ATP9A: variants seen among roughly 807,000 people sequenced by gnomAD.
The protein encoded by ATP9A is ATPase phospholipid transporting 9A, also known as probable phospholipid-transporting ATPase IIA.
ATP9A carries 52 observed loss-of-function variants against 144.1 expected under a neutral mutation model. The ratio of observed to expected loss-of-function variants is 0.36; its 90% CI spans 0.29 to 0.45. The LOEUF is 0.45. Among genes scored for constraint, ATP9A ranks in the 20% least tolerant of loss-of-function variants. The pLI is 1.00. For synonymous variants in ATP9A, 582 were observed against 557.4 expected, an observed-to-expected ratio of 1.04 and a Z score of -0.62; for missense variants, 947 against 1,392.7, an observed-to-expected ratio of 0.68 and a Z score of 5.09.
chr20:51,715,387 C>T lies in ATP9A; in HGVS notation c.328-2313G>A, dbSNP rs138790295. Among the ~76,000 whole-genome samples the T allele has an allele frequency of 2.7e-3, 411 of 152,308 alleles. 1 individual carries two copies. Among genetic ancestry groups the T allele is most frequent in the Non-Finnish European group, 4.6e-3 (311 of 68,030 alleles). On this transcript the variant is annotated intron_variant, in intron 3 of 27. Coordinates refer to ENST00000338821, the MANE Select transcript of ATP9A (RefSeq NM_006045.3). ...GAGAGAAAACCTGTTCTGTGAGGAG[C>T]ACGTACCCGGTGTGCAGGGCTGCCC...
At position 51,664,168 on chromosome 20, in the gene ATP9A, C is replaced by T. The variant is rs531591297; in HGVS notation, c.1293+5829G>A. On this transcript the variant is annotated intron_variant, in intron 13 of 27. Transcript: ENST00000338821. ...TAGCTGGGATTACAGGCATGAGCTA[C>T]CACGCCCAGCAGGAAAAGTTTTCCA... Among the ~76,000 whole-genome samples, 15 of 151,694 alleles carry T rather than the reference C, an allele frequency of 9.9e-5. No individual in the cohort carries two copies. The South Asian group carries it at 3.2e-3, about 32-fold the overall frequency.
chr20:51,628,038 T>C (rs904450088), intron 16 of ATP9A, among the ~76,000 whole-genome samples: 2 of 152,090 alleles, frequency 1.3e-5, no homozygotes, highest in Non-Finnish European at 2.9e-5. Context: ...ATAACCACAA[T>C]CAATGATGGC....
At chr20:51,622,053 C>G (rs2122724817) in intron 19 of ATP9A, 21 bp downstream of exon 19, 1 of 1,609,790 alleles carries the variant, frequency 6.2e-7, no homozygotes, top group Admixed American at 1.7e-5. Context: ...CCACATGGCC[C>G]TAACGCAGAG....
At chr20:51,718,293 G>C (rs751473042) in intron 3 of ATP9A, among the ~76,000 whole-genome samples, 1 of 151,656 alleles carries the variant, frequency 6.6e-6, no homozygotes, top group Non-Finnish European at 1.5e-5. Flanking sequence ...GAAGGCACTG[G>C]AAGGAAACAC....
chr20:51,671,948 G>A (rs2077457970), intron 11 of ATP9A, among the ~76,000 whole-genome samples: 1 of 152,042 alleles, frequency 6.6e-6, no homozygotes, highest in Admixed American at 6.6e-5. Flanking sequence ...ACAGGTGTGT[G>A]CCACCACGCC....
At chr20:51,720,028 G>A (rs1249400935) in intron 3 of ATP9A, among the ~76,000 whole-genome samples, 1 of 152,216 alleles carries the variant, frequency 6.6e-6, no homozygotes, top group Non-Finnish European at 1.5e-5. Flanking sequence ...CAGCCTGGGT[G>A]ACAGTGAGTG....
At chr20:51,658,077 A>G (rs144489530) in intron 13 of ATP9A, among the ~76,000 whole-genome samples, 1 of 152,306 alleles carries the variant, frequency 6.6e-6, no homozygotes, top group Non-Finnish European at 1.5e-5. Flanking sequence ...CTGAAGGGTA[A>G]CCAAAGCTAA....
chr20:51,712,913 C>T (rs2077645915), intron 4 of ATP9A, 53 bp downstream of exon 4: 2 of 1,479,822 alleles, frequency 1.4e-6, no homozygotes, highest in Non-Finnish European at 9.3e-7. Context: ...CCCTGACTGT[C>T]AGCGGCCCGT....
chr20:51,688,251 G>A (rs959257874), intron 9 of ATP9A, among the ~76,000 whole-genome samples: 23 of 152,164 alleles, frequency 1.5e-4, no homozygotes, highest in African/African-American at 5.6e-4. Flanking sequence ...TGCTATCGGG[G>A]GTCATATTCA....
intron 9 of ATP9A, among the ~76,000 whole-genome samples, chr20:51,681,246 G>A (rs1052149227): frequency 6.6e-6 from 1 of 152,188 alleles, no homozygotes; most frequent in Non-Finnish European, 1.5e-5. Flanking sequence ...TAAGTGATAA[G>A]TGAAGACTTA....
At chr20:51,681,624 G>A (rs765083380) in intron 9 of ATP9A, among the ~76,000 whole-genome samples, 38 of 152,188 alleles carry the variant, frequency 2.5e-4, no homozygotes, top group Non-Finnish European at 4.4e-4. Context: ...GTTTCACCAT[G>A]TTGGTCAAGC....
At chr20:51,765,322 CCT>C (rs2077898767) in intron 1 of ATP9A, among the ~76,000 whole-genome samples, 1 of 152,092 alleles carries the variant, frequency 6.6e-6, no homozygotes, top group African/African-American at 2.4e-5. Flanking sequence ...GCACAGCAAC[CCT>C]GATACACAAT....
intron 14 of ATP9A, among the ~76,000 whole-genome samples, chr20:51,652,083 C>A (rs1251286505): frequency 6.6e-6 from 1 of 152,140 alleles, no homozygotes; most frequent in African/African-American, 2.4e-5. Flanking sequence ...ATCACCAAGG[C>A]CCCCACTGCC....
chr20:51,690,891 G>A, intron 7 of ATP9A, 72 bp from the exon 8 acceptor site: 1 of 1,222,430 alleles, frequency 8.2e-7, no homozygotes, highest in Non-Finnish European at 1.2e-6. Flanking sequence ...CATCCACTAT[G>A]TTTCCAAAGC....
chr20:51,749,942 A>C (rs540430949), intron 1 of ATP9A, among the ~76,000 whole-genome samples: 1 of 152,148 alleles, frequency 6.6e-6, no homozygotes, highest in African/African-American at 2.4e-5. Context: ...GGAGTTTGAG[A>C]CCAGCCTGGG....
At chr20:51,676,667 C>T (rs980325754) in intron 9 of ATP9A, among the ~76,000 whole-genome samples, 3 of 152,016 alleles carry the variant, frequency 2.0e-5, no homozygotes, top group South Asian at 2.1e-4. Context: ...TTAGTAGATA[C>T]GGGGTTTCAC....
At chr20:51,735,911 C>T (rs564233188) in intron 1 of ATP9A, among the ~76,000 whole-genome samples, 16 of 152,212 alleles carry the variant, frequency 1.1e-4, no homozygotes, top group African/African-American at 3.6e-4. Context: ...CATTCAGTAG[C>T]GAACAGGACA....
chr20:51,716,178 A>G (rs2077661070), intron 3 of ATP9A, among the ~76,000 whole-genome samples: 2 of 152,166 alleles, frequency 1.3e-5, no homozygotes, highest in Admixed American at 1.3e-4. Context: ...TTTATGGTAT[A>G]TAGATTATAT....
chr20:51,605,272 G>C (rs562268251), intron 26 of ATP9A, among the ~76,000 whole-genome samples: 54 of 152,212 alleles, frequency 3.5e-4, no homozygotes, highest in Non-Finnish European at 6.6e-4. Flanking sequence ...AGGCAGGGAG[G>C]GGAGTATCTA....
Sources: allele counts gnomAD v4.1 joint callset (sites outside exome capture counted in the v4.1 genomes callset), GRCh38; gene constraint gnomAD v4.1.1; transcripts MANE v1.5; gene names NCBI Gene and HGNC (gene_info 2026-07-23, HGNC 2026-07-21).